Variants in MGAM observed in about 807,000 individuals in gnomAD.
MGAM encodes alpha-1,4-glucosidase.
MGAM carries 253 observed loss-of-function variants against 358.8 expected under a neutral mutation model. That is an observed-to-expected ratio of 0.71 (90% CI 0.64 to 0.78). The LOEUF (loss-of-function observed/expected upper bound fraction) is 0.78, where lower values mean the gene tolerates loss of function less well. Among genes scored for constraint, MGAM ranks in the 30% least tolerant of loss-of-function variants. The pLI, the probability that MGAM is intolerant of heterozygous loss-of-function variation, is 0.00. For synonymous variants in MGAM, 1,105 were observed against 1,227.1 expected (o/e 0.90, Z 2.08); for missense variants, 3,080 against 3,432.6 (o/e 0.90, Z 2.57).
At position 142,105,860 on chromosome 7, in the gene MGAM, T is replaced by A; in HGVS notation, c.8231T>A (p.Phe2744Tyr). Residue 2744 changes from phenylalanine to tyrosine, a missense_variant, in exon 71 of 71, where the codon TTT becomes TAT. By Grantham distance (22) the Phe-to-Tyr change is conservative. Transcript: ENST00000475668. ...VTDRNISLHN[F>Y]TSLTWISTL is the part of the protein sequence containing the mutation. ...GACAGAAACATCAGCCTACATAATTTTACTTCATTGACGTGGATAAGCACT... is the reference window on the plus strand; with the variant it reads ...GACAGAAACATCAGCCTACATAATTATACTTCATTGACGTGGATAAGCACT... The A allele has an allele frequency of 2.5e-6, 4 of 1,613,370 alleles. No homozygotes were observed. The highest frequency in any genetic ancestry group is 3.4e-6 in the Non-Finnish European group (4 of 1,179,392).
At chr7:142,046,098 A>G (rs1166590147) in intron 21 of MGAM, among the ~76,000 whole-genome samples, 2 of 139,072 alleles carry the variant, frequency 1.4e-5, no homozygotes, top group Admixed American at 7.4e-5. Flanking sequence ...GTGTAATTAT[A>G]TATTTATTTT....
At chr7:142,102,562 A>T (rs1328868909) in intron 68 of MGAM, 68 bp from the exon 69 acceptor site, 1 of 1,423,424 alleles carries the variant, frequency 7.0e-7, no homozygotes, top group African/African-American at 1.4e-5. Context: ...AACAGCATTT[A>T]TATATTCTAT....
intron 64 of MGAM, chr7:142,095,977 T>A: frequency 1.6e-6 from 1 of 623,152 alleles, no homozygotes; most frequent in East Asian, 2.8e-5. Flanking sequence ...CAAAGGCCTA[T>A]CTATCTTTTG....
intron 12 of MGAM, among the ~76,000 whole-genome samples, 195 bp downstream of exon 12, chr7:142,030,952 C>G (rs1475237369): frequency 6.6e-6 from 1 of 151,978 alleles, no homozygotes; most frequent in Non-Finnish European, 1.5e-5. Flanking sequence ...TTTTGATTCC[C>G]TTCACAGCCA....
chr7:142,035,813 C>G (rs1426238243), intron 16 of MGAM, among the ~76,000 whole-genome samples: 1 of 152,016 alleles, frequency 6.6e-6, no homozygotes, highest in Non-Finnish European at 1.5e-5. Context: ...AAAAATAATG[C>G]TGATAGTGGT....
rs1229099079 is a variant in MGAM, at chr7:142,080,581, G to A, written c.5848-210G>A. 1.4e-5 allele frequency among the ~76,000 whole-genome samples: 2 copies of A among 146,134 alleles called. 1 individual carries two copies. The highest frequency in any genetic ancestry group is 3.1e-5 in the Non-Finnish European group (2 of 64,594). On this transcript the variant is annotated intron_variant, in intron 49 of 70. Transcript: ENST00000475668. ...CCAATGTCACAATGCTTATATTGAT[G>A]CAGTAGAGGCCTTAGTAATGAGAAA...
chr7:142,056,070 T>C lies in MGAM; in HGVS notation c.3554T>C (p.Val1185Ala). ...GLEEDGSAHG[V>A]LLLNSNAMDV... ...GAGGAGGACGGCAGTGCCCATGGAG[T>C]GCTCCTGCTGAACAGCAATGCCATG... The change falls in exon 29 of 71, where the codon GTG becomes GCG. Residue 1185 changes from valine to alanine, a missense_variant. Around this residue, in one of 5 missense-constraint regions of MGAM, gnomAD observed 1,816 missense variants for 1,840.5 expected, o/e 0.99. Transcript: ENST00000475668. 1 of 1,609,608 alleles carries C rather than the reference T, an allele frequency of 6.2e-7. No homozygotes were observed.
rs201270012 is a variant in MGAM, at chr7:142,047,832, A to G, written c.2546A>G (p.Glu849Gly). 1.2e-4 allele frequency: 199 copies of G among 1,612,478 alleles called. No homozygotes were observed. The highest frequency in any genetic ancestry group is 1.4e-4 in the Non-Finnish European group (160 of 1,178,732). Residue 849 changes from glutamate to glycine, a missense_variant, in exon 22 of 71, where the codon GAA (glutamate) becomes GGA (glycine). Coordinates refer to ENST00000475668, the MANE Select transcript of MGAM (RefSeq NM_001365693.1). ...ATCATTGCCCTAGATGAGAACAAAG[A>G]AGCAAAAGGAGAACTTTTCTGGGAT... Reference protein sequence around the residue: ...GLIIALDENKEAKGELFWDNG... With the variant: ...GLIIALDENKGAKGELFWDNG...
Position 142,064,378 on chromosome 7 carries a change from C to A in MGAM, c.4346-6C>A. ...GGGTTTCACCTCGCCAGTTCTTCCTCCTCAGATTTGGAGTCCAGGGACAGG... is the reference window on the plus strand; with the variant it reads ...GGGTTTCACCTCGCCAGTTCTTCCTACTCAGATTTGGAGTCCAGGGACAGG... On this transcript the variant is annotated splice_polypyrimidine_tract_variant and splice_region_variant and intron_variant, in intron 36 of 70. Coordinates refer to ENST00000475668, the MANE Select transcript of MGAM (RefSeq NM_001365693.1). 4 of 1,605,528 alleles carry A rather than the reference C, an allele frequency of 2.5e-6. No homozygotes were observed. Among genetic ancestry groups the A allele is most frequent in the Non-Finnish European group, 3.4e-6 (4 of 1,176,152 alleles).
In MGAM at chr7:142,092,626, TC is replaced by T; in HGVS notation, c.7033+19del. Reference sequence around the variant, plus strand: ...CATGCCGTGTAAGAATCCTTGGCCTTCTTGATTGGCAGAGCCATGATTGAAA... The same window carrying T: ...CATGCCGTGTAAGAATCCTTGGCCTTTTGATTGGCAGAGCCATGATTGAAA... On this transcript the variant is annotated intron_variant, in intron 59 of 70. Transcript: ENST00000475668. The T allele has an allele frequency of 6.6e-7, 1 of 1,514,360 alleles. No individual in the cohort carries two copies. Among genetic ancestry groups the T allele is most frequent in the Non-Finnish European group, 9.0e-7 (1 of 1,106,188 alleles). 93.8% of individuals were successfully genotyped at this position (1,514,360 alleles called of 1,614,324 possible).
At chr7:142,003,000 A>G (rs1804854337) in intron 1 of MGAM, among the ~76,000 whole-genome samples, 1 of 130,870 alleles carries the variant, frequency 7.6e-6, no homozygotes. Context: ...TAAAATACCT[A>G]GTAATACATT....
intron 10 of MGAM, among the ~76,000 whole-genome samples, chr7:142,029,241 TC>T (rs1414866986): frequency 6.6e-6 from 1 of 152,030 alleles, no homozygotes; most frequent in Admixed American, 6.6e-5. Flanking sequence ...GTGCCTGTAA[TC>T]CCAGCTATTC....
At position 142,020,811 on chromosome 7, in the gene MGAM, C is replaced by G. The variant is rs183425977; in HGVS notation, c.449-163C>G. On this transcript the variant is annotated intron_variant, in intron 4 of 70. Transcript: ENST00000475668. ...GTTTCACCACGTTGGTCAGGCTGGT[C>G]TCGAATTCCTGACCTTGTGATCCAC... 3.2e-3 allele frequency among the ~76,000 whole-genome samples: 483 copies of G among 152,100 alleles called. 2 individuals carry two copies. Among genetic ancestry groups the G allele is most frequent in the African/African-American group, 0.011 (451 of 41,472 alleles).
chr7:142,005,518 T>G lies in MGAM; in HGVS notation c.-2-11T>G. 1 of 1,507,374 alleles carries G rather than the reference T, an allele frequency of 6.6e-7. No homozygotes were observed. Among genetic ancestry groups the G allele is most frequent in the Non-Finnish European group, 8.9e-7 (1 of 1,126,206 alleles). The allele number at this position is 1,507,374 out of a possible 1,614,324, so 93.4% of individuals were successfully genotyped here. On this transcript the variant is annotated splice_polypyrimidine_tract_variant and intron_variant, in intron 1 of 70. Transcript: ENST00000475668. ...AATTCAAATCTAAAATTGTTTTCTC[T>G]TACATTTTAGAGATGGCAAGAAAGA...
At chr7:142,053,663 G>T (rs1420737711) in intron 26 of MGAM, among the ~76,000 whole-genome samples, 1 of 152,126 alleles carries the variant, frequency 6.6e-6, no homozygotes, top group African/African-American at 2.4e-5. Flanking sequence ...GCCCTTTCCT[G>T]TTTGTGCTTC....
chr7:142,052,671 A>T, intron 25 of MGAM, 113 bp from the exon 26 acceptor site: 1 of 1,388,400 alleles, frequency 7.2e-7, no homozygotes, highest in Non-Finnish European at 9.9e-7. Context: ...GCCAAGTGAT[A>T]AGTGATGGGC....
upstream of MGAM, among the ~76,000 whole-genome samples, chr7:141,995,202 A>G (rs1554448344): frequency 1.3e-5 from 2 of 151,790 alleles, no homozygotes; most frequent in African/African-American, 4.8e-5. Flanking sequence ...AATCCCTCTC[A>G]TAGGTTTCTT....
rs1054319883 is a variant in MGAM, at chr7:142,106,020, G to T, written c.*129G>T. 4.0e-6 allele frequency: 3 copies of T among 759,038 alleles called. No homozygotes were observed. Among genetic ancestry groups the T allele is most frequent in the South Asian group, 1.7e-5 (1 of 58,596 alleles). The allele number at this position is 759,038 out of a possible 1,614,324, so 47.0% of individuals were successfully genotyped here. A position where few individuals can be genotyped will look rare whatever the true frequency, so the allele number is the denominator to read the frequency against. On this transcript the variant is annotated 3_prime_UTR_variant, in exon 71 of 71. Transcript: ENST00000475668. ...TTGGTGAAATATTTCTGTTAATTTT[G>T]TTATATGTTTTTTGTGTGAACCCTA...
intron 12 of MGAM, 102 bp from the exon 13 acceptor site, chr7:142,031,578 T>C (rs2129004075): frequency 1.4e-6 from 1 of 729,014 alleles, no homozygotes; most frequent in African/African-American, 1.8e-5. Flanking sequence ...CCTGGGTACC[T>C]CGGTTGCTGT....
Sources: gnomAD v4.1 joint callset for allele counts (sites outside exome capture counted in the v4.1 genomes callset) on GRCh38, gnomAD v4.1.1 for gene constraint, gnomAD v4.1.1 regional missense constraint, MANE v1.5 for transcripts, NCBI Gene and HGNC (gene_info 2026-07-23, HGNC 2026-07-21) for gene names.